The following PDE3A variants were observed in gnomAD, a reference collection of about 807,000 sequenced individuals.
The protein encoded by PDE3A is phosphodiesterase 3A.
Under a neutral mutation model 98.3 loss-of-function variants are expected in PDE3A, and 43 were observed. The ratio of observed to expected loss-of-function variants is 0.44; its 90% confidence interval spans 0.34 to 0.56. The LOEUF is 0.56. Ranked by LOEUF, PDE3A falls within the 20% of genes least tolerant of loss-of-function variation. PDE3A has a pLI of 0.01. For missense variants in PDE3A, 1,427 were observed against 1,440.7 expected, an observed-to-expected ratio of 0.99 and a Z score of 0.15; for synonymous variants, 663 against 567.9, an observed-to-expected ratio of 1.17 and a Z score of -2.38.
chr12:20,601,591 C>T (rs772458460), intron 2 of PDE3A, among the ~76,000 whole-genome samples: 16 of 152,070 alleles, frequency 1.1e-4, no homozygotes, highest in Non-Finnish European at 1.8e-4. Flanking sequence ...GAAGAAGTCA[C>T]GTTTCTAATA....
chr12:20,527,104 A>C (rs1420167849), intron 1 of PDE3A, among the ~76,000 whole-genome samples: 1 of 151,948 alleles, frequency 6.6e-6, no homozygotes, highest in Non-Finnish European at 1.5e-5. Context: ...TTTTTAGTAA[A>C]GAGGGGGTTT....
intron 15 of PDE3A, among the ~76,000 whole-genome samples, chr12:20,659,769 A>C (rs893193013): frequency 6.6e-6 from 1 of 152,190 alleles, no homozygotes; most frequent in East Asian, 1.9e-4. Context: ...TGCAGTCTCA[A>C]TTAGATCAGC....
intron 1 of PDE3A, among the ~76,000 whole-genome samples, chr12:20,442,701 A>G (rs1171785550): frequency 6.6e-6 from 1 of 152,244 alleles, no homozygotes; most frequent in Admixed American, 6.5e-5. Flanking sequence ...AATAGTGTCG[A>G]GTCAAATGTA....
chr12:20,403,009 A>G (rs962211626), intron 1 of PDE3A, among the ~76,000 whole-genome samples: 1 of 152,186 alleles, frequency 6.6e-6, no homozygotes, highest in Non-Finnish European at 1.5e-5. Flanking sequence ...TATAACTCCT[A>G]CTCATTATGT....
At chr12:20,492,609 G>A (rs149852523) in intron 1 of PDE3A, among the ~76,000 whole-genome samples, 1 of 152,292 alleles carries the variant, frequency 6.6e-6, no homozygotes, top group East Asian at 1.9e-4. Flanking sequence ...CCCAGTGAGA[G>A]CAGTGCCTGT....
At chr12:20,472,497 A>G (rs73071148) in intron 1 of PDE3A, among the ~76,000 whole-genome samples, 7,180 of 152,202 alleles carry the variant, frequency 0.047, 297 homozygotes, top group Admixed American at 0.13. Context: ...AGGTGCAACT[A>G]TTTAGTTGGA....
At chr12:20,597,016 G>A (rs986661095) in intron 2 of PDE3A, among the ~76,000 whole-genome samples, 1 of 152,134 alleles carries the variant, frequency 6.6e-6, no homozygotes, top group African/African-American at 2.4e-5. Context: ...GGGTTGGAAT[G>A]TCATCTCTGC....
In PDE3A at chr12:20,475,308, G is replaced by T. The variant is rs567922902; in HGVS notation, c.961-81352G>T. On this transcript the variant is annotated intron_variant, in intron 1 of 15. Transcript: ENST00000359062. The stretch of plus-strand genomic sequence containing the variant: ...CCAAGCCTCTGGGCCTACTGCCTTC[G>T]GTTAGCTCACACTTGCTTTTTCATG... 2.0e-5 allele frequency among the ~76,000 whole-genome samples: 3 copies of T among 151,722 alleles called. No homozygotes were observed. In the East Asian group the frequency reaches 5.9e-4, roughly 30 times the overall value.
chr12:20,386,606 G>A (rs1002114183), intron 1 of PDE3A, among the ~76,000 whole-genome samples: 4 of 151,836 alleles, frequency 2.6e-5, no homozygotes, highest in African/African-American at 9.7e-5. Flanking sequence ...CTCCCAAAAT[G>A]TGGGATTATA....
In PDE3A at chr12:20,497,854, C is replaced by T. The variant is rs188331089; in HGVS notation, c.961-58806C>T. ...TCTATATATTACTCTTTGCCCTGTT[C>T]TGTTCAATTGTGTTAGTATACTTTA... is the stretch of plus-strand genomic sequence containing the variant. On this transcript the variant is annotated intron_variant, in intron 1 of 15. Transcript: ENST00000359062. Among the ~76,000 whole-genome samples the T allele has an allele frequency of 3.3e-5, 5 of 152,142 alleles. No homozygotes were observed. In the East Asian group the frequency reaches 9.7e-4, roughly 29 times the overall value.
At chr12:20,539,669 C>A (rs1467111663) in intron 1 of PDE3A, among the ~76,000 whole-genome samples, 6 of 152,004 alleles carry the variant, frequency 3.9e-5, no homozygotes, top group Non-Finnish European at 7.4e-5. Context: ...TGATCAGTCA[C>A]AGAAAGTGTC....
At chr12:20,585,315 C>A (rs1177072224) in intron 2 of PDE3A, among the ~76,000 whole-genome samples, 2 of 152,146 alleles carry the variant, frequency 1.3e-5, no homozygotes, top group African/African-American at 2.4e-5. Context: ...TAGGCTTAGC[C>A]CAGAGTTGGT....
At chr12:20,638,054 G>T (rs1336628382) in intron 9 of PDE3A, among the ~76,000 whole-genome samples, 3 of 152,104 alleles carry the variant, frequency 2.0e-5, no homozygotes, top group Non-Finnish European at 4.4e-5. Context: ...TCAAACTTGT[G>T]AATATAAGAC....
At chr12:20,448,953 A>G (rs1945011062) in intron 1 of PDE3A, among the ~76,000 whole-genome samples, 1 of 152,142 alleles carries the variant, frequency 6.6e-6, no homozygotes, top group Non-Finnish European at 1.5e-5. Context: ...AATCTCTTTA[A>G]ATGGAATTTA....
intron 1 of PDE3A, among the ~76,000 whole-genome samples, chr12:20,534,925 C>T (rs1941712440): frequency 6.6e-6 from 1 of 151,890 alleles, no homozygotes; most frequent in Admixed American, 6.6e-5. Context: ...TTGAATTGAC[C>T]AGGTCTTTCT....
chr12:20,670,823 G>C (rs12305421), intron 15 of PDE3A, among the ~76,000 whole-genome samples: 5,938 of 133,704 alleles, frequency 0.044, 216 homozygotes, highest in Middle Eastern at 0.17. Flanking sequence ...TCAAAAGCTA[G>C]CAGAAGGCAA....
intron 5 of PDE3A, among the ~76,000 whole-genome samples, chr12:20,625,573 G>A (rs938425771): frequency 6.6e-6 from 1 of 151,976 alleles, no homozygotes; most frequent in Non-Finnish European, 1.5e-5. Flanking sequence ...TTTCACCTGG[G>A]CATGGAAAAA....
chr12:20,481,916 C>A (rs1267022174), intron 1 of PDE3A, among the ~76,000 whole-genome samples: 1 of 151,448 alleles, frequency 6.6e-6, no homozygotes, highest in African/African-American at 2.4e-5. Context: ...AGGCGCCCGC[C>A]ACCACGCCCA....
chr12:20,561,701 A>T (rs1256561368), intron 2 of PDE3A, among the ~76,000 whole-genome samples: 2 of 152,158 alleles, frequency 1.3e-5, no homozygotes, highest in Non-Finnish European at 2.9e-5. Flanking sequence ...GATACTTAAT[A>T]AATAAGTGAT....
Sources: gnomAD v4.1 joint callset for allele counts (sites outside exome capture counted in the v4.1 genomes callset) on GRCh38, gnomAD v4.1.1 for gene constraint, MANE v1.5 for transcripts, NCBI Gene and HGNC (gene_info 2026-07-23, HGNC 2026-07-21) for gene names.